ZC3H13: variants seen among roughly 807,000 people sequenced by gnomAD.
The protein encoded by ZC3H13 is zinc finger CCCH-type containing 13.
ZC3H13 carries 64 observed loss-of-function variants against 204.1 expected under a neutral mutation model. The ratio of observed to expected loss-of-function variants is 0.31; its 90% confidence interval spans 0.26 to 0.39. The LOEUF (loss-of-function observed/expected upper bound fraction) is 0.39. Ranked by LOEUF, ZC3H13 falls within the 10% of genes least tolerant of loss-of-function variation. The probability of loss-of-function intolerance (pLI) is 1.00; values close to 1 mark genes in which losing one functional copy is unlikely to be tolerated. For synonymous variants in ZC3H13, 667 were observed against 693.7 expected (o/e 0.96, Z 0.60); for missense variants, 1,833 against 2,082.7 (o/e 0.88, Z 2.33).
intron 10 of ZC3H13, among the ~76,000 whole-genome samples, chr13:45,985,091 G>C (rs933967959): frequency 2.0e-5 from 3 of 152,128 alleles, no homozygotes; most frequent in East Asian, 1.9e-4. Flanking sequence ...ATATACTTAG[G>C]GGGGGTCTAG....
intron 12 of ZC3H13, among the ~76,000 whole-genome samples, chr13:45,970,787 C>G (rs891368339): frequency 5.9e-5 from 9 of 152,168 alleles, no homozygotes; most frequent in Non-Finnish European, 8.8e-5. Flanking sequence ...AATGTACCCT[C>G]TGATATAAAC....
Position 45,971,457 on chromosome 13 carries a change from A to G in ZC3H13, c.2469-992T>C, listed in dbSNP as rs1952577676. Among the ~76,000 whole-genome samples the G allele has an allele frequency of 2.0e-5, 3 of 152,310 alleles. No homozygotes were observed. The East Asian group carries it at 5.8e-4, about 29-fold the overall frequency. ...CTAAATGGTGGTGGGAAAATTGGCAAGTCACATGTAAAAGAATGAAACCGG... is the reference window on the plus strand; with the variant it reads ...CTAAATGGTGGTGGGAAAATTGGCAGGTCACATGTAAAAGAATGAAACCGG... On this transcript the variant is annotated intron_variant, in intron 12 of 18. Coordinates refer to ENST00000679008, the MANE Select transcript of ZC3H13 (RefSeq NM_001330564.2).
At chr13:46,032,868 T>A (rs532884314) in intron 4 of ZC3H13, among the ~76,000 whole-genome samples, 34 of 152,044 alleles carry the variant, frequency 2.2e-4, no homozygotes, top group Non-Finnish European at 2.5e-4. Context: ...TCTGGTACAG[T>A]GTTAAGTTAA....
intron 5 of ZC3H13, 135 bp downstream of exon 5, chr13:46,020,314 G>A (rs1231390931): frequency 1.4e-5 from 10 of 719,470 alleles, no homozygotes; most frequent in South Asian, 3.4e-5. Flanking sequence ...TTATAATTCA[G>A]TAAGATAGAA....
chr13:45,993,273 G>A (rs1042836691), intron 8 of ZC3H13, among the ~76,000 whole-genome samples: 1 of 152,180 alleles, frequency 6.6e-6, no homozygotes, highest in African/African-American at 2.4e-5. Context: ...ACATGTGTGT[G>A]GCAGGAATAC....
rs1268068338 is a variant in ZC3H13 at position 45,969,690 on chromosome 13, C to T, written c.2854G>A (p.Ala952Thr). 3.7e-6 allele frequency: 6 copies of T among 1,612,730 alleles called. No individual in the cohort carries two copies. The African/African-American group carries it at 8.0e-5, about 22-fold the overall frequency. The change falls in exon 14 of 19, where the codon GCT becomes ACT. Residue 952 changes from alanine (A) to threonine (T), a missense_variant. By Grantham distance (58) the Ala-to-Thr change is moderately conservative. Coordinates refer to ENST00000679008, the MANE Select transcript of ZC3H13 (RefSeq NM_001330564.2). Reference protein sequence around the residue: ...QSEDRETSDRAHDENKKKAKI... With the variant: ...QSEDRETSDRTHDENKKKAKI... ...GCTTTCTTCTTGTTTTCATCATGAG[C>T]TCGATCAGATGTCTCTCGATCTTCA...
chr13:45,994,109 T>C (rs1179908384), intron 8 of ZC3H13, among the ~76,000 whole-genome samples: 1 of 152,250 alleles, frequency 6.6e-6, no homozygotes, highest in Non-Finnish European at 1.5e-5. Context: ...AGGGACAACC[T>C]TTATAATGAT....
chr13:45,962,822 C>T (rs1593446084), intron 17 of ZC3H13: 2 of 985,116 alleles, frequency 2.0e-6, no homozygotes, highest in African/African-American at 1.7e-5. Context: ...CCTCCTTTTC[C>T]TTCTTTTTAC....
At chr13:46,022,476 T>C (rs150612721) in intron 4 of ZC3H13, among the ~76,000 whole-genome samples, 29 of 152,102 alleles carry the variant, frequency 1.9e-4, no homozygotes, top group Admixed American at 6.5e-4. Context: ...CTCAAATAAA[T>C]AGGGTATGGT....
rs138948332 is a variant in ZC3H13, at chr13:45,997,211, C to T, written c.944+5928G>A. Reference sequence around the variant, plus strand: ...ATGACATTCATTTAAGGGCCGAAGTCTCCAAATTATTCAATTAAAAATTAA... The same window carrying T: ...ATGACATTCATTTAAGGGCCGAAGTTTCCAAATTATTCAATTAAAAATTAA... On this transcript the variant is annotated intron_variant, in intron 8 of 18. Coordinates refer to ENST00000679008, the MANE Select transcript of ZC3H13 (RefSeq NM_001330564.2). Among the ~76,000 whole-genome samples the T allele has an allele frequency of 3.0e-3, 461 of 152,248 alleles. 2 individuals are homozygous for T. Among genetic ancestry groups the T allele is most frequent in the Middle Eastern group, 0.02 (6 of 294 alleles).
intron 10 of ZC3H13, among the ~76,000 whole-genome samples, chr13:45,981,591 A>T (rs1030953692): frequency 2.0e-5 from 3 of 152,160 alleles, no homozygotes; most frequent in African/African-American, 7.2e-5. Flanking sequence ...ACTAGTTTAC[A>T]GTCCCACCAA....
At chr13:45,989,353 G>C (rs1323477531) in intron 8 of ZC3H13, among the ~76,000 whole-genome samples, 1 of 152,146 alleles carries the variant, frequency 6.6e-6, no homozygotes, top group Non-Finnish European at 1.5e-5. Context: ...AAAGTACACT[G>C]CATTTTCCAA....
chr13:45,964,135 G>A, intron 16 of ZC3H13, 93 bp from the exon 17 acceptor site: 2 of 1,239,946 alleles, frequency 1.6e-6, no homozygotes, highest in African/African-American at 1.5e-5. Flanking sequence ...GGAGAAAACA[G>A]AAAAAATGAA....
rs2039777165 is a variant in ZC3H13, at chr13:45,989,073, A to G, written c.969T>C (p.His323=). 2 of 1,613,988 alleles carry G rather than the reference A, an allele frequency of 1.2e-6. No homozygotes were observed. The highest frequency in any genetic ancestry group is 4.5e-5 in the East Asian group (2 of 44,864). ...GATGTCTAGAAGATATAGGAGAATG[A>G]TGCTGTCCTGCTGGGGAAGTAGACC... ...KPRSTSPAGQ[H]HSPISSRHHS... is the part of the protein sequence containing the mutation. Residue 323 remains histidine, a synonymous_variant, in exon 9 of 19, where the codon CAT becomes CAC. Transcript: ENST00000679008.
chr13:45,967,304 G>A (rs1952174307), intron 15 of ZC3H13, among the ~76,000 whole-genome samples, 200 bp downstream of exon 15: 4 of 152,008 alleles, frequency 2.6e-5, no homozygotes, highest in Admixed American at 2.6e-4. Flanking sequence ...TAATGGTACT[G>A]CTAAGGGGAC....
rs968699668 is a variant in ZC3H13 at position 46,010,566 on chromosome 13, A to G, written c.589-61T>C. The stretch of plus-strand genomic sequence containing the variant: ...CTCCACTTATGGTACAACAAGACTT[A>G]CAGTATTTTAGAATCACACCAAACT... On this transcript the variant is annotated intron_variant, in intron 6 of 18. Transcript: ENST00000679008. The G allele has an allele frequency of 3.9e-6, 6 of 1,531,028 alleles. No homozygotes were observed. In the African/African-American group the frequency reaches 8.3e-5, roughly 21 times the overall value. The allele number at this position is 1,531,028 out of a possible 1,614,324, so 94.8% of individuals were successfully genotyped here.
chr13:45,981,384 C>T (rs866054726), intron 10 of ZC3H13, among the ~76,000 whole-genome samples: 3 of 152,300 alleles, frequency 2.0e-5, no homozygotes, highest in East Asian at 1.9e-4. Context: ...CAGTCTATCA[C>T]TGTTGGACAT....
chr13:46,020,132 C>G (rs2042136541), intron 5 of ZC3H13, among the ~76,000 whole-genome samples: 1 of 152,058 alleles, frequency 6.6e-6, no homozygotes, highest in Non-Finnish European at 1.5e-5. Flanking sequence ...ATATAGATTT[C>G]ATTTTAAGCT....
chr13:45,975,176 G>GA (rs1256584137), intron 12 of ZC3H13, 107 bp downstream of exon 12: 13 of 1,471,270 alleles, frequency 8.8e-6, no homozygotes, highest in Non-Finnish European at 9.9e-6. Flanking sequence ...AATATACAGA[G>GA]AAAAAAAATT....
Sources: gnomAD v4.1 joint callset for allele counts (sites outside exome capture counted in the v4.1 genomes callset) on GRCh38, gnomAD v4.1.1 for gene constraint, MANE v1.5 for transcripts, NCBI Gene and HGNC (gene_info 2026-07-23, HGNC 2026-07-21) for gene names.